The following CNTNAP3 variants were observed in gnomAD, a reference collection of about 807,000 sequenced individuals.
CNTNAP3 encodes contactin-associated protein-like 3.
Under a neutral mutation model 92.1 loss-of-function variants are expected in CNTNAP3, and 36 were observed. The ratio of observed to expected loss-of-function variants is 0.39; its 90% confidence interval spans 0.30 to 0.52. CNTNAP3 has a LOEUF of 0.52. Ranked by LOEUF, CNTNAP3 falls within the 20% of genes least tolerant of loss-of-function variation. CNTNAP3 has a pLI of 0.76. For synonymous variants in CNTNAP3, 232 were observed against 422.3 expected, an observed-to-expected ratio of 0.55 and a Z score of 5.53; for missense variants, 534 against 1,069.6, an observed-to-expected ratio of 0.50 and a Z score of 6.98.
chr9:39,146,900 C>G (rs377057109), intron 10 of CNTNAP3, among the ~76,000 whole-genome samples: 1 of 150,780 alleles, frequency 6.6e-6, no homozygotes, highest in Non-Finnish European at 1.5e-5. Flanking sequence ...ATTAGTGATA[C>G]GGTTTGGCTG....
At chr9:39,119,486 G>C (rs1225569502) in intron 13 of CNTNAP3, among the ~76,000 whole-genome samples, 1 of 152,032 alleles carries the variant, frequency 6.6e-6, no homozygotes, top group African/African-American at 2.4e-5. Context: ...ACTCTTCTCG[G>C]AATGCCACTT....
intron 13 of CNTNAP3, among the ~76,000 whole-genome samples, chr9:39,130,613 T>C (rs1440615093): frequency 6.6e-6 from 1 of 150,746 alleles, no homozygotes; most frequent in Non-Finnish European, 1.5e-5. Context: ...CACGCCATTC[T>C]CCTGCCTCAG....
intron 15 of CNTNAP3, among the ~76,000 whole-genome samples, chr9:39,104,485 C>T (rs1345983428): frequency 7.6e-6 from 1 of 131,038 alleles, no homozygotes; most frequent in African/African-American, 2.7e-5. Flanking sequence ...CATACACACA[C>T]ACACACACAC....
In CNTNAP3 at chr9:39,072,779, AT is replaced by A. The variant is rs1167269193; in HGVS notation, c.*1110del. ...GGAATTAGTGATCTTCAGTTAAGCTATTTTTTTAATAAATTGAAAAGATGTT... is the reference window on the plus strand; with the variant it reads ...GGAATTAGTGATCTTCAGTTAAGCTATTTTTTAATAAATTGAAAAGATGTT... On this transcript the variant is annotated 3_prime_UTR_variant, in exon 24 of 24. Transcript: ENST00000297668. 9 of 116,324 alleles carry A rather than the reference AT, an allele frequency of 7.7e-5. No homozygotes were observed. Among genetic ancestry groups the A allele is most frequent in the African/African-American group, 2.6e-4 (8 of 31,046 alleles). The allele number at this position is 116,324 out of a possible 1,614,324, so 7.2% of individuals were successfully genotyped here. A position where few individuals can be genotyped will look rare whatever the true frequency, so the allele number is the denominator to read the frequency against.
At chr9:39,114,137 C>A (rs1371678195) in intron 14 of CNTNAP3, among the ~76,000 whole-genome samples, 2 of 143,888 alleles carry the variant, frequency 1.4e-5, no homozygotes, top group Non-Finnish European at 3.0e-5. Flanking sequence ...GGCTGGAGTG[C>A]AGTGGTGTGA....
chr9:39,121,608 C>T (rs897389512), intron 13 of CNTNAP3, among the ~76,000 whole-genome samples: 2 of 152,128 alleles, frequency 1.3e-5, no homozygotes, highest in African/African-American at 4.8e-5. Flanking sequence ...CTGGTAAAAG[C>T]ACTTAGAATG....
rs1488750842 is a variant in CNTNAP3 at position 39,214,144 on chromosome 9, T to C, written c.391-20869A>G. ...AAGAGGAGTTTAAATATAAAAAAAA[T>C]TCTCATTTTCAGAATGCAGATCAAA... On this transcript the variant is annotated intron_variant, in intron 3 of 23. Transcript: ENST00000297668. Among the ~76,000 whole-genome samples the C allele has an allele frequency of 3.1e-5, 2 of 65,122 alleles. 1 individual carries two copies. Among genetic ancestry groups the C allele is most frequent in the Non-Finnish European group, 1.0e-4 (2 of 19,486 alleles). 42.7% of individuals were successfully genotyped at this position (65,122 alleles called of 152,430 possible).
chr9:39,092,456 T>A (rs1826227506), intron 18 of CNTNAP3, among the ~76,000 whole-genome samples: 2 of 134,886 alleles, frequency 1.5e-5, no homozygotes, highest in African/African-American at 5.4e-5. Context: ...ATTTTTGCTT[T>A]CATTTATCTC....
intron 13 of CNTNAP3, among the ~76,000 whole-genome samples, chr9:39,130,154 G>C (rs144392351): frequency 6.6e-6 from 1 of 152,064 alleles, no homozygotes; most frequent in African/African-American, 2.4e-5. Context: ...TAATTCCAGA[G>C]AAATGAAAAC....
chr9:39,100,089 C>G lies in CNTNAP3; in HGVS notation c.2817G>C (p.Gly939=). The change falls in exon 18 of 24, where the codon GGG becomes GGC. Residue 939 remains glycine (G), a synonymous_variant. Transcript: ENST00000297668. ...LGCIRSLQLN[G]VALDLEERAT... ...CTCTTTCTTCCAGATCCAGGGCCAC[C>G]CCGTTCAACTGCAGAGACCGAATGC... The G allele has an allele frequency of 6.3e-7, 1 of 1,582,466 alleles. No homozygotes were observed. Among genetic ancestry groups the G allele is most frequent in the East Asian group, 2.3e-5 (1 of 43,890 alleles).
intron 14 of CNTNAP3, 50 bp downstream of exon 14, chr9:39,118,053 T>C (rs1820902337): frequency 1.3e-6 from 2 of 1,585,924 alleles, no homozygotes; most frequent in African/African-American, 1.4e-5. Context: ...CTATGCATAA[T>C]TAAAGAATAA....
intron 21 of CNTNAP3, among the ~76,000 whole-genome samples, chr9:39,083,511 T>C (rs2118406595): frequency 6.6e-6 from 1 of 151,884 alleles, no homozygotes; most frequent in Middle Eastern, 3.4e-3. Context: ...CTACAAAAAT[T>C]AGCCAGGCGT....
At chr9:39,132,203 C>T (rs1446192883) in intron 13 of CNTNAP3, among the ~76,000 whole-genome samples, 1 of 151,926 alleles carries the variant, frequency 6.6e-6, no homozygotes, top group African/African-American at 2.4e-5. Flanking sequence ...CTATAATTAG[C>T]AATAAAGTGC....
chr9:39,089,930 G>A (rs1347422536), intron 18 of CNTNAP3, among the ~76,000 whole-genome samples: 1 of 151,766 alleles, frequency 6.6e-6, no homozygotes, highest in Non-Finnish European at 1.5e-5. Flanking sequence ...TTCAGTTGTT[G>A]GTTTTTTGTT....
chr9:39,077,944 G>A (rs1825822152), intron 23 of CNTNAP3, among the ~76,000 whole-genome samples: 2 of 152,132 alleles, frequency 1.3e-5, no homozygotes, highest in South Asian at 2.1e-4. Flanking sequence ...GGTGGCTCAC[G>A]CCTGTGATCT....
chr9:39,111,006 A>C (rs1025248790), intron 14 of CNTNAP3, among the ~76,000 whole-genome samples: 3 of 152,124 alleles, frequency 2.0e-5, no homozygotes, highest in African/African-American at 7.2e-5. Flanking sequence ...TCATTGCAAC[A>C]CTTTTGTATT....
chr9:39,147,184 A>C (rs542769112), intron 10 of CNTNAP3, among the ~76,000 whole-genome samples: 1 of 150,470 alleles, frequency 6.6e-6, no homozygotes, highest in African/African-American at 2.5e-5. Context: ...CTGTGAATCC[A>C]TTAAGCCTTT....
At chr9:39,118,474 G>T (rs1002634500) in intron 13 of CNTNAP3, among the ~76,000 whole-genome samples, 29 of 152,176 alleles carry the variant, frequency 1.9e-4, no homozygotes, top group Middle Eastern at 6.8e-3. Context: ...AGGCTTAAAT[G>T]ATTCCATCTA....
At chr9:39,115,867 T>G (rs1365133037) in intron 14 of CNTNAP3, among the ~76,000 whole-genome samples, 1 of 151,544 alleles carries the variant, frequency 6.6e-6, no homozygotes, top group Non-Finnish European at 1.5e-5. Flanking sequence ...AAGTGATACG[T>G]TCCTCTGGTT....
Sources: gnomAD v4.1 joint callset for allele counts (sites outside exome capture counted in the v4.1 genomes callset) on GRCh38, gnomAD v4.1.1 for gene constraint, MANE v1.5 for transcripts, NCBI Gene and HGNC (gene_info 2026-07-23, HGNC 2026-07-21) for gene names.